The following MDN1 variants were observed in gnomAD, a reference collection of about 807,000 sequenced individuals.
MDN1 encodes midasin AAA ATPase 1.
In MDN1, 266 loss-of-function variants were observed where a neutral mutation model predicts 669.2. The ratio of observed to expected loss-of-function variants is 0.40; its 90% CI spans 0.36 to 0.44. The LOEUF (loss-of-function observed/expected upper bound fraction) is 0.44. Among genes scored for constraint, MDN1 ranks in the 20% least tolerant of loss-of-function variants. The pLI, the probability that MDN1 is intolerant of heterozygous loss-of-function variation, is 1.00. For synonymous variants in MDN1, 2,385 were observed against 2,457.1 expected, an observed-to-expected ratio of 0.97 and a Z score of 0.87; for missense variants, 5,940 against 6,754.0, an observed-to-expected ratio of 0.88 and a Z score of 4.22.
chr6:89,775,539 C>T (rs1369851188), intron 12 of MDN1, among the ~76,000 whole-genome samples: 1 of 152,158 alleles, frequency 6.6e-6, no homozygotes, highest in Non-Finnish European at 1.5e-5. Context: ...GACACCAGTG[C>T]CACTGCTGAA....
In MDN1 at chr6:89,758,497, T is replaced by G. The variant is rs537867518; in HGVS notation, c.2606-146A>C. 3 of 685,610 alleles carry G rather than the reference T, an allele frequency of 4.4e-6. No individual in the cohort carries two copies. In the South Asian group the frequency reaches 5.8e-5, roughly 13 times the overall value. The allele number at this position is 685,610 out of a possible 1,614,324, so 42.5% of individuals were successfully genotyped here. ...TGAAATAACTTTCCAGACCTATGTA[T>G]TCAATCTAATCTTATACTGCAGTCT... On this transcript the variant is annotated intron_variant, in intron 18 of 101. Coordinates refer to ENST00000369393, the MANE Select transcript of MDN1 (RefSeq NM_014611.3).
At position 89,690,061 on chromosome 6, in the gene MDN1, T is replaced by A. The variant is rs776549435; in HGVS notation, c.10832A>T (p.Asn3611Ile). 6.2e-7 allele frequency: 1 copy of A among 1,614,190 alleles called. No homozygotes were observed. The highest frequency in any genetic ancestry group is 8.5e-7 in the Non-Finnish European group (1 of 1,180,018). The change falls in exon 65 of 102, where the codon AAC (asparagine) becomes ATC (isoleucine). Residue 3611 changes from asparagine (N) to isoleucine (I), a missense_variant. By Grantham distance (149) the Asn-to-Ile change is moderately radical (BLOSUM62 -3). This residue lies in a region of MDN1 where 2,280 missense variants were observed against 2,576.3 expected (regional missense o/e 0.88). Coordinates refer to ENST00000369393, the MANE Select transcript of MDN1 (RefSeq NM_014611.3). Reference sequence around the variant, plus strand: ...TGAATTCTGGGAGAGGAGAGCTGGGTTTGTGCCTGCTTCCTCTTCTTGCCC... The same window carrying A: ...TGAATTCTGGGAGAGGAGAGCTGGGATTGTGCCTGCTTCCTCTTCTTGCCC... ...SDGQEEEAGT[N>I]PALLSQNSMQ...
chr6:89,676,293 G>T, intron 76 of MDN1, 86 bp from the exon 77 acceptor site: 1 of 1,200,210 alleles, frequency 8.3e-7, no homozygotes, highest in Non-Finnish European at 1.2e-6. Flanking sequence ...GGTATATTTG[G>T]CCATAACCAA....
In MDN1 at chr6:89,763,530, A is replaced by C. The variant is rs553621317; in HGVS notation, c.2145-1000T>G. Among the ~76,000 whole-genome samples the C allele has an allele frequency of 2.0e-5, 3 of 152,252 alleles. No individual in the cohort carries two copies. In the South Asian group the frequency reaches 6.2e-4, roughly 32 times the overall value. On this transcript the variant is annotated intron_variant, in intron 15 of 101. Coordinates refer to ENST00000369393, the MANE Select transcript of MDN1 (RefSeq NM_014611.3). Reference sequence around the variant, plus strand: ...ATAATTTTTTAAAAGGTTGAAAAACATTGCTCTAGCTTAAACATACGATGT... The same window carrying C: ...ATAATTTTTTAAAAGGTTGAAAAACCTTGCTCTAGCTTAAACATACGATGT...
Position 89,646,546 on chromosome 6 carries a change from TG to T in MDN1, c.16452del (p.Ser5485ValfsTer10). On this transcript the variant is annotated frameshift_variant, in exon 100 of 102. Coordinates refer to ENST00000369393, the MANE Select transcript of MDN1 (RefSeq NM_014611.3). LOFTEE classifies it high-confidence loss of function. ...FAAAQQLSQNISSETAQLLLV... is the reference protein window; with the variant it reads ...FAAAQQLSQNXSSETAQLLLV... ...AGGAAGGCATGCAGCTCACCTGAAC[TG>T]ATGTTCTGCGAGAGCTGCTGAGCAG... The T allele has an allele frequency of 6.2e-7, 1 of 1,613,990 alleles. No homozygotes were observed. Among genetic ancestry groups the T allele is most frequent in the Non-Finnish European group, 8.5e-7 (1 of 1,179,844 alleles).
intron 10 of MDN1, 57 bp from the exon 11 acceptor site, chr6:89,780,350 C>T (rs1048384701): frequency 1.8e-6 from 2 of 1,120,114 alleles, no homozygotes; most frequent in Non-Finnish European, 2.5e-6. Flanking sequence ...CCAAAGACAT[C>T]AAAGGCATCA....
chr6:89,724,580 G>C (rs1484017300), intron 38 of MDN1, among the ~76,000 whole-genome samples: 1 of 152,186 alleles, frequency 6.6e-6, no homozygotes, highest in African/African-American at 2.4e-5. Flanking sequence ...ACCATGCCCA[G>C]CCAATAAAAC....
rs1249912451 is a variant in MDN1, at chr6:89,674,436, G to A, written c.12915C>T (p.Ser4305=). The A allele has an allele frequency of 6.2e-7, 1 of 1,613,990 alleles. No individual in the cohort carries two copies. Among genetic ancestry groups the A allele is most frequent in the African/African-American group, 1.3e-5 (1 of 74,942 alleles). The change falls in exon 79 of 102, where the codon TCC becomes TCT. Residue 4305 remains serine (S), a synonymous_variant. Coordinates refer to ENST00000369393, the MANE Select transcript of MDN1 (RefSeq NM_014611.3). The part of the protein sequence containing the change: ...MQCQILLEQL[S]WLLQCCPSVG... ...CACTGGGGCAGCACTGGAGGAGCCAGGAGAGCTGCTCAAGCAGGATCTGGC... is the reference window on the plus strand; with the variant it reads ...CACTGGGGCAGCACTGGAGGAGCCAAGAGAGCTGCTCAAGCAGGATCTGGC...
chr6:89,738,464 A>C lies in MDN1; in HGVS notation c.4594-9T>G, dbSNP rs565209863. ...CTTAAGGCAGGAGACAGCTATAAGA[A>C]ACACAAAACTTCAATGTGAATTTTT... On this transcript the variant is annotated splice_polypyrimidine_tract_variant and intron_variant, in intron 32 of 101. Coordinates refer to ENST00000369393, the MANE Select transcript of MDN1 (RefSeq NM_014611.3). 3.1e-6 allele frequency: 5 copies of C among 1,612,820 alleles called. No homozygotes were observed. In the Admixed American group the frequency reaches 5.0e-5, roughly 16 times the overall value.
intron 7 of MDN1, 21 bp from the exon 8 acceptor site, chr6:89,787,978 C>G (rs768772479): frequency 6.4e-7 from 1 of 1,561,414 alleles, no homozygotes; most frequent in South Asian, 1.1e-5. Flanking sequence ...TAACAACAAC[C>G]GCACTGATAA....
chr6:89,794,618 C>A lies in MDN1; in HGVS notation c.513G>T (p.Val171=), dbSNP rs1819475347. The A allele has an allele frequency of 1.2e-6, 2 of 1,613,720 alleles. No homozygotes were observed. Among genetic ancestry groups the A allele is most frequent in the Non-Finnish European group, 1.7e-6 (2 of 1,180,038 alleles). ...CATGGCTTCTGAGGAGAGGGACACA[C>A]ACACTCCAGTCCCAGAGCTCCCGGA... ...SVFRELWDWS[V]CVPLLRSHDT... The change falls in exon 3 of 102, where the codon GTG becomes GTT. Residue 171 remains valine, a synonymous_variant. Transcript: ENST00000369393.
At position 89,790,216 on chromosome 6, in the gene MDN1, A is replaced by G; in HGVS notation, c.1041T>C (p.Gly347=). 6.2e-7 allele frequency: 1 copy of G among 1,614,150 alleles called. No homozygotes were observed. Among genetic ancestry groups the G allele is most frequent in the Non-Finnish European group, 8.5e-7 (1 of 1,180,012 alleles). ...TGAGAAGCTGAGGAGGCTTTGTTCT[A>G]CCTGTCACTGCAGCTAAATATTCAA... ...SLVEYLAAVT[G]RTKPPQLLKV... Residue 347 remains glycine (G), a synonymous_variant, in exon 6 of 102, where the codon GGT becomes GGC. Coordinates refer to ENST00000369393, the MANE Select transcript of MDN1 (RefSeq NM_014611.3).
chr6:89,696,458 G>A lies in MDN1; in HGVS notation c.9285C>T (p.His3095=), dbSNP rs1030894064. Residue 3095 remains histidine, a synonymous_variant, in exon 60 of 102, where the codon CAC becomes CAT. Coordinates refer to ENST00000369393, the MANE Select transcript of MDN1 (RefSeq NM_014611.3). ...TCTCAACCCACTCTCCTAGGGTCAC[G>A]TGAGAGGAGGAAAGAATGGGGAGGC... ...VSGLPILSSS[H]VTLGEWVERT... The A allele has an allele frequency of 1.2e-5, 20 of 1,614,062 alleles. No individual in the cohort carries two copies. Among genetic ancestry groups the A allele is most frequent in the Admixed American group, 3.3e-5 (2 of 60,008 alleles).
chr6:89,818,979 G>A (rs1769062036), intron 1 of MDN1, among the ~76,000 whole-genome samples: 1 of 152,098 alleles, frequency 6.6e-6, no homozygotes, highest in South Asian at 2.1e-4. Flanking sequence ...AAGTGTTTAC[G>A]AACTGTCTCC....
chr6:89,687,427 T>C lies in MDN1; in HGVS notation c.11367A>G (p.Glu3789=), dbSNP rs750618549. The change falls in exon 68 of 102, where the codon GAA becomes GAG. Residue 3789 remains glutamate (E), a synonymous_variant. Transcript: ENST00000369393. ...ILLAKAQDWE[E]NASRALSLRK... ...GCAAAGACAAAGCTCGACTTGCATT[T>C]TCCTCCCAATCCTAAAGAAACAAAG... 5.6e-6 allele frequency: 9 copies of C among 1,613,836 alleles called. No individual in the cohort carries two copies. In the South Asian group the frequency reaches 9.9e-5, roughly 18 times the overall value.
chr6:89,680,198 C>G (rs1017895546), intron 74 of MDN1, among the ~76,000 whole-genome samples: 1 of 152,216 alleles, frequency 6.6e-6, no homozygotes, highest in East Asian at 1.9e-4. Flanking sequence ...CTGTGCCTCT[C>G]TGAAGTGAAG....
chr6:89,706,024 G>T (rs1388374549), intron 53 of MDN1, 35 bp downstream of exon 53: 2 of 1,512,252 alleles, frequency 1.3e-6, no homozygotes, highest in East Asian at 4.6e-5. Context: ...GATAAATTTT[G>T]TTGTTTAAAA....
rs1809091810 is a variant in MDN1 at position 89,654,268 on chromosome 6, A to G, written c.15557T>C (p.Ile5186Thr). 2 of 1,614,154 alleles carry G rather than the reference A, an allele frequency of 1.2e-6. No individual in the cohort carries two copies. Among genetic ancestry groups the G allele is most frequent in the Middle Eastern group, 1.6e-4 (1 of 6,062 alleles). Reference protein sequence around the residue: ...DSGKDQEEEEIEDTLMDTEEQ... With the variant: ...DSGKDQEEEETEDTLMDTEEQ... ...CTCTGTGTCCATAAGGGTGTCCTCT[A>G]TCTCCTCCTCTTCCTGATCTTTGCC... Residue 5186 changes from isoleucine to threonine, a missense_variant, in exon 93 of 102, where the codon ATA becomes ACA. Physicochemically the swap from Ile to Thr is moderately conservative, Grantham distance 89. Coordinates refer to ENST00000369393, the MANE Select transcript of MDN1 (RefSeq NM_014611.3).
intron 97 of MDN1, 48 bp from the exon 98 acceptor site, chr6:89,648,377 A>C (rs1808620595): frequency 6.5e-7 from 1 of 1,543,586 alleles, no homozygotes; most frequent in Non-Finnish European, 8.9e-7. Context: ...TATCCTCTAA[A>C]CCAGAGCCTC....
Sources: gnomAD v4.1 joint callset for allele counts (sites outside exome capture counted in the v4.1 genomes callset) on GRCh38, gnomAD v4.1.1 for gene constraint, gnomAD v4.1.1 regional missense constraint, MANE v1.5 for transcripts, NCBI Gene and HGNC (gene_info 2026-07-23, HGNC 2026-07-21) for gene names.